Variants in ROR1 observed in about 807,000 individuals in gnomAD.
The protein encoded by ROR1 is ROR family WNT receptor 1, also known as inactive tyrosine-protein kinase transmembrane receptor ROR1.
A neutral mutation model predicts 78.8 loss-of-function variants in ROR1; 19 were observed. The observed-to-expected ratio is 0.24, with a 90% CI of 0.17 to 0.35. The LOEUF (loss-of-function observed/expected upper bound fraction) is 0.35, where lower values mean the gene tolerates loss of function less well. Ranked by LOEUF, ROR1 falls within the 10% of genes least tolerant of loss-of-function variation. The pLI is 1.00. For synonymous variants in ROR1, 386 were observed against 433.6 expected (o/e 0.89, Z 1.36); for missense variants, 917 against 1,177.8 (o/e 0.78, Z 3.24).
intron 1 of ROR1, among the ~76,000 whole-genome samples, chr1:63,825,606 C>T (rs1438387440): frequency 2.0e-5 from 3 of 152,104 alleles, no homozygotes; most frequent in South Asian, 2.1e-4. Context: ...GGTGATTGCA[C>T]GACTGTATAT....
intron 1 of ROR1, among the ~76,000 whole-genome samples, chr1:63,968,234 T>G (rs1646091679): frequency 2.0e-5 from 3 of 152,114 alleles, no homozygotes; most frequent in Admixed American, 2.0e-4. Flanking sequence ...AACAATTTTA[T>G]TTACAGTACT....
At chr1:64,172,994 G>A (rs990710196) in intron 8 of ROR1, among the ~76,000 whole-genome samples, 3 of 152,122 alleles carry the variant, frequency 2.0e-5, no homozygotes, top group African/African-American at 7.2e-5. Flanking sequence ...TTCTTTAAGG[G>A]TTTTTATGAT....
intron 1 of ROR1, among the ~76,000 whole-genome samples, chr1:63,859,284 C>G (rs1002329954): frequency 6.6e-6 from 1 of 152,174 alleles, no homozygotes; most frequent in African/African-American, 2.4e-5. Flanking sequence ...AGTGCAGGCC[C>G]TGTGAAGATG....
intron 1 of ROR1, among the ~76,000 whole-genome samples, chr1:63,790,475 C>T (rs1258040236): frequency 6.6e-6 from 1 of 152,270 alleles, no homozygotes; most frequent in Non-Finnish European, 1.5e-5. Flanking sequence ...CAATGGGCAG[C>T]TCCAGAGCTG....
intron 1 of ROR1, among the ~76,000 whole-genome samples, chr1:63,862,171 T>A (rs1208499570): frequency 6.6e-6 from 1 of 151,886 alleles, no homozygotes; most frequent in East Asian, 1.9e-4. Flanking sequence ...GGCAGGTGGA[T>A]CACTTGAGCT....
Position 63,985,741 on chromosome 1 carries a change from T to TTA in ROR1, c.92-23553_92-23552dup, listed in dbSNP as rs370752726. The stretch of plus-strand genomic sequence containing the variant: ...TTAAAAAATAATAATTATTATTATT[T>TTA]TATATATATATAAAGTAAGATTACC... On this transcript the variant is annotated intron_variant, in intron 1 of 8. Coordinates refer to ENST00000371079, the MANE Select transcript of ROR1 (RefSeq NM_005012.4). 2.6e-3 allele frequency among the ~76,000 whole-genome samples: 394 copies of TTA among 150,934 alleles called. 1 individual carries two copies. Among genetic ancestry groups the TTA allele is most frequent in the African/African-American group, 4.5e-3 (186 of 41,276 alleles).
At chr1:63,793,396 T>G (rs1429490818) in intron 1 of ROR1, among the ~76,000 whole-genome samples, 1 of 152,230 alleles carries the variant, frequency 6.6e-6, no homozygotes, top group African/African-American at 2.4e-5. Flanking sequence ...AGAGAATAAT[T>G]AGAATGTTCC....
At chr1:63,831,892 CTG>C (rs759511508) in intron 1 of ROR1, among the ~76,000 whole-genome samples, 3 of 152,192 alleles carry the variant, frequency 2.0e-5, no homozygotes, top group Non-Finnish European at 4.4e-5. Context: ...ATGTCTATGA[CTG>C]TATGCTTTCA....
intron 4 of ROR1, among the ~76,000 whole-genome samples, chr1:64,051,600 C>G (rs1207082637): frequency 6.6e-6 from 1 of 152,068 alleles, no homozygotes; most frequent in East Asian, 1.9e-4. Flanking sequence ...TTAATGGAGT[C>G]TAAAGGTCCA....
intron 1 of ROR1, among the ~76,000 whole-genome samples, chr1:63,791,930 G>A (rs943763591): frequency 4.6e-5 from 7 of 152,184 alleles, no homozygotes; most frequent in South Asian, 4.2e-4. Context: ...AGATATTTAC[G>A]TGGCAGGCAT....
At chr1:64,075,408 T>C (rs1031132721) in intron 4 of ROR1, among the ~76,000 whole-genome samples, 2 of 152,198 alleles carry the variant, frequency 1.3e-5, no homozygotes, top group Non-Finnish European at 2.9e-5. Context: ...CTTAGTTTCC[T>C]CATCTGTCCT....
chr1:63,862,606 C>G (rs539816893), intron 1 of ROR1, among the ~76,000 whole-genome samples: 1 of 152,036 alleles, frequency 6.6e-6, no homozygotes, highest in South Asian at 2.1e-4. Context: ...GGAGAGATGA[C>G]CAGGTTCCAT....
At chr1:64,176,964 GA>G (rs1388203534) in intron 8 of ROR1, among the ~76,000 whole-genome samples, 1 of 152,224 alleles carries the variant, frequency 6.6e-6, no homozygotes, top group Non-Finnish European at 1.5e-5. Context: ...ATCATGTCAG[GA>G]AAGTGAGTTA....
intron 1 of ROR1, among the ~76,000 whole-genome samples, chr1:63,883,458 C>G (rs1271920792): frequency 1.3e-5 from 2 of 152,112 alleles, no homozygotes; most frequent in Non-Finnish European, 2.9e-5. Context: ...CTGGGCCACT[C>G]ACTCAAAGAC....
chr1:63,863,038 T>C (rs2100347723), intron 1 of ROR1, among the ~76,000 whole-genome samples: 1 of 152,334 alleles, frequency 6.6e-6, no homozygotes, highest in South Asian at 2.1e-4. Context: ...TAGATGCTTG[T>C]CCAATGTCAC....
At chr1:64,091,622 C>T (rs1414725324) in intron 4 of ROR1, among the ~76,000 whole-genome samples, 3 of 152,096 alleles carry the variant, frequency 2.0e-5, no homozygotes, top group Non-Finnish European at 4.4e-5. Flanking sequence ...ATGTCCTACC[C>T]TCTCACACAT....
intron 7 of ROR1, among the ~76,000 whole-genome samples, chr1:64,154,331 T>G (rs4414076): frequency 0.65 from 98,420 of 152,126 alleles, 32,455 homozygotes; most frequent in Middle Eastern, 0.71. Flanking sequence ...TTTTATAGTT[T>G]TCAAGTAATA....
chr1:63,912,652 C>T (rs1251223064), intron 1 of ROR1, among the ~76,000 whole-genome samples: 1 of 152,094 alleles, frequency 6.6e-6, no homozygotes, highest in Non-Finnish European at 1.5e-5. Context: ...AACATTCAGC[C>T]GGAGTTGTAT....
At chr1:63,812,445 T>C (rs1317911712) in intron 1 of ROR1, among the ~76,000 whole-genome samples, 1 of 152,198 alleles carries the variant, frequency 6.6e-6, no homozygotes, top group Non-Finnish European at 1.5e-5. Context: ...TTTTGCTAAC[T>C]AACCTGTCCT....
Sources: allele counts gnomAD v4.1 joint callset (sites outside exome capture counted in the v4.1 genomes callset), GRCh38; gene constraint gnomAD v4.1.1; transcripts MANE v1.5; gene names NCBI Gene and HGNC (gene_info 2026-07-23, HGNC 2026-07-21).